The following B3GALT1 variants were observed in gnomAD, a reference collection of about 807,000 sequenced individuals.
B3GALT1 encodes the protein beta-1,3-galactosyltransferase 1.
B3GALT1 carries 10 observed loss-of-function variants against 23.2 expected under a neutral mutation model. The ratio of observed to expected loss-of-function variants is 0.43; its 90% CI spans 0.27 to 0.73. B3GALT1 has a LOEUF of 0.73. B3GALT1 is among the 30% of genes least tolerant of loss of function. B3GALT1 has a pLI of 0.21. For missense variants in B3GALT1, 299 were observed against 405.4 expected (o/e 0.74, Z 2.25); for synonymous variants, 156 against 141.5 (o/e 1.10, Z -0.73).
Position 167,393,206 on chromosome 2 carries a change from C to G in B3GALT1, c.-510-96971C>G, listed in dbSNP as rs193052698. ...CCGAGATTGCGCCACTGCACTCCAG[C>G]CTGGGCGACAGAGCGAGACTCCGTC... is the stretch of plus-strand genomic sequence containing the variant. On this transcript the variant is annotated intron_variant, in intron 1 of 4. Transcript: ENST00000392690. 5.2e-3 allele frequency among the ~76,000 whole-genome samples: 782 copies of G among 150,712 alleles called. 4 individuals are homozygous for G. The highest frequency in any genetic ancestry group is 0.018 in the African/African-American group (720 of 40,898).
At chr2:167,565,906 C>A (rs931800366) in intron 2 of B3GALT1, among the ~76,000 whole-genome samples, 2 of 151,960 alleles carry the variant, frequency 1.3e-5, no homozygotes, top group African/African-American at 2.4e-5. Flanking sequence ...GTTGGTGGGA[C>A]TGTAAACTAG....
At chr2:167,429,852 C>T (rs1158439049) in intron 1 of B3GALT1, among the ~76,000 whole-genome samples, 1 of 152,150 alleles carries the variant, frequency 6.6e-6, no homozygotes, top group East Asian at 1.9e-4. Context: ...TTTATGTTAG[C>T]CTCTAATGTT....
intron 4 of B3GALT1, among the ~76,000 whole-genome samples, chr2:167,830,247 C>T (rs915590162): frequency 6.6e-6 from 1 of 151,984 alleles, no homozygotes; most frequent in Non-Finnish European, 1.5e-5. Flanking sequence ...TCACTAAGGC[C>T]GGGTCTTTTT....
At chr2:167,580,852 T>A (rs902295330) in intron 2 of B3GALT1, among the ~76,000 whole-genome samples, 14 of 152,170 alleles carry the variant, frequency 9.2e-5, no homozygotes, top group Admixed American at 6.5e-5. Context: ...AGTGGTCAGA[T>A]GATCTGAGGG....
intron 1 of B3GALT1, among the ~76,000 whole-genome samples, chr2:167,320,314 T>C (rs1218612027): frequency 6.6e-6 from 1 of 151,750 alleles, no homozygotes; most frequent in Non-Finnish European, 1.5e-5. Context: ...CTCAGCCTCC[T>C]GAGTAGCTGG....
chr2:167,370,433 T>C (rs1697664034), intron 1 of B3GALT1, among the ~76,000 whole-genome samples: 1 of 152,192 alleles, frequency 6.6e-6, no homozygotes, highest in Admixed American at 6.5e-5. Context: ...GCTAGCCTAG[T>C]GCTAGGCCCT....
At chr2:167,561,376 T>G (rs1227130) in intron 2 of B3GALT1, among the ~76,000 whole-genome samples, 58,400 of 151,838 alleles carry the variant, frequency 0.38, 12,349 homozygotes, top group East Asian at 0.85. Flanking sequence ...ATTGACACCC[T>G]AACATCACAA....
intron 1 of B3GALT1, among the ~76,000 whole-genome samples, chr2:167,333,855 G>A (rs1401856583): frequency 6.6e-6 from 1 of 152,060 alleles, no homozygotes; most frequent in Non-Finnish European, 1.5e-5. Context: ...GATTTAAAAA[G>A]GCTTAGAGAA....
chr2:167,549,672 C>T (rs11884796), intron 2 of B3GALT1, among the ~76,000 whole-genome samples: 8,852 of 152,174 alleles, frequency 0.058, 764 homozygotes, highest in African/African-American at 0.19. Flanking sequence ...CTGCCCACAG[C>T]AGCAGACTAA....
intron 3 of B3GALT1, among the ~76,000 whole-genome samples, chr2:167,656,205 T>C (rs1262876951): frequency 6.6e-6 from 1 of 152,130 alleles, no homozygotes. Context: ...GCCCATAATT[T>C]TCCTATTTAG....
intron 3 of B3GALT1, among the ~76,000 whole-genome samples, chr2:167,737,396 T>C (rs972287892): frequency 3.3e-5 from 5 of 152,380 alleles, no homozygotes; most frequent in Admixed American, 6.5e-5. Flanking sequence ...TCATAGCTGA[T>C]CAAATAATTA....
At chr2:167,473,061 C>T (rs1039823570) in intron 1 of B3GALT1, among the ~76,000 whole-genome samples, 2 of 152,072 alleles carry the variant, frequency 1.3e-5, no homozygotes, top group African/African-American at 4.8e-5. Flanking sequence ...ATTCAGAAAT[C>T]TGCAGTGATT....
At chr2:167,380,322 C>T (rs1481188674) in intron 1 of B3GALT1, among the ~76,000 whole-genome samples, 2 of 152,162 alleles carry the variant, frequency 1.3e-5, no homozygotes, top group Non-Finnish European at 1.5e-5. Context: ...GGTCACCCAG[C>T]GATGGCACAG....
rs78199764 is a variant in B3GALT1 at position 167,349,724 on chromosome 2, G to T, written c.-511+56390G>T. ...GAACAGAAATGTGTTCTGATTAATG[G>T]CAATCAGGTTCTCCATACTATACAG... is the stretch of plus-strand genomic sequence containing the variant. On this transcript the variant is annotated intron_variant, in intron 1 of 4. Transcript: ENST00000392690. Among the ~76,000 whole-genome samples the T allele has an allele frequency of 1.0e-3, 154 of 152,224 alleles. 2 individuals carry two copies. In the East Asian group the frequency reaches 0.027, roughly 27 times the overall value.
intron 3 of B3GALT1, among the ~76,000 whole-genome samples, chr2:167,672,737 A>G (rs565167397): frequency 6.6e-6 from 1 of 152,168 alleles, no homozygotes; most frequent in South Asian, 2.1e-4. Context: ...CCTGGTACAT[A>G]GTAAGTGCTG....
rs1423364221 is a variant in B3GALT1 at position 167,713,551 on chromosome 2, A to G, written c.-352+66585A>G. 7 of 745,354 alleles carry G rather than the reference A, an allele frequency of 9.4e-6. No individual in the cohort carries two copies. The African/African-American group carries it at 1.1e-4, about 11-fold the overall frequency. 46.2% of individuals were successfully genotyped at this position (745,354 alleles called of 1,614,324 possible). On this transcript the variant is annotated intron_variant, in intron 3 of 4. Transcript: ENST00000392690. ...ATACTGTCCTGAGAACTGTAATTCC[A>G]TTAAACTTCAATTTGAGAAAAGTGT...
intron 3 of B3GALT1, among the ~76,000 whole-genome samples, chr2:167,707,915 C>T (rs929494722): frequency 2.0e-5 from 3 of 152,168 alleles, no homozygotes; most frequent in Non-Finnish European, 4.4e-5. Context: ...GCCAGGGCAC[C>T]ACATCCATTG....
chr2:167,780,200 C>T (rs1472352592), intron 3 of B3GALT1, among the ~76,000 whole-genome samples: 1 of 152,180 alleles, frequency 6.6e-6, no homozygotes, highest in Non-Finnish European at 1.5e-5. Context: ...ACTTTATGCA[C>T]CTGAGAGAAT....
chr2:167,770,277 G>A (rs1035516190), intron 3 of B3GALT1, among the ~76,000 whole-genome samples: 6 of 151,904 alleles, frequency 3.9e-5, no homozygotes, highest in African/African-American at 9.7e-5. Flanking sequence ...TGGCTGTTTC[G>A]CTTCATTTTT....
Sources: gnomAD v4.1 joint callset for allele counts (sites outside exome capture counted in the v4.1 genomes callset) on GRCh38, gnomAD v4.1.1 for gene constraint, MANE v1.5 for transcripts, NCBI Gene and HGNC (gene_info 2026-07-23, HGNC 2026-07-21) for gene names.